ESR1: variants seen among roughly 807,000 people sequenced by gnomAD.
ESR1 encodes estrogen receptor.
In ESR1, 12 loss-of-function variants were observed where a neutral mutation model predicts 52.7. That is an observed-to-expected ratio of 0.23 (90% confidence interval 0.15 to 0.37). The LOEUF is 0.37. Ranked by LOEUF, ESR1 falls within the 10% of genes least tolerant of loss-of-function variation. The pLI is 1.00. For missense variants in ESR1, 584 were observed against 779.7 expected, an observed-to-expected ratio of 0.75 and a Z score of 2.99; for synonymous variants, 305 against 316.8, an observed-to-expected ratio of 0.96 and a Z score of 0.39.
chr6:151,830,794 T>C (rs111762276), intron 1 of ESR1, among the ~76,000 whole-genome samples: 33,315 of 151,996 alleles, frequency 0.22, 4,262 homozygotes, highest in African/African-American at 0.36. Flanking sequence ...AAGACATTTT[T>C]CTTAAGTGAG....
At position 151,902,924 on chromosome 6, in the gene ESR1, A is replaced by C. The variant is rs146531381; in HGVS notation, c.760+22153A>C. On this transcript the variant is annotated intron_variant, in intron 3 of 7. Coordinates refer to ENST00000206249, the MANE Select transcript of ESR1 (RefSeq NM_000125.4). ...TAATTACTTTGGTTCCCTTTGGATA[A>C]TTAGTGATACATAAAATGCAGTACC... Among the ~76,000 whole-genome samples the C allele has an allele frequency of 2.2e-3, 342 of 152,286 alleles. 2 individuals carry two copies. Among genetic ancestry groups the C allele is most frequent in the African/African-American group, 7.8e-3 (326 of 41,544 alleles).
chr6:152,093,330 A>ATCTC (rs34340611), intron 6 of ESR1, among the ~76,000 whole-genome samples: 153 of 125,908 alleles, frequency 1.2e-3, no homozygotes, highest in Admixed American at 2.6e-3. Context: ...TACTACCTGG[A>ATCTC]TCTCTCTCTC....
intron 2 of ESR1, among the ~76,000 whole-genome samples, chr6:151,880,181 GTTT>G (rs71017515): frequency 8.6e-6 from 1 of 116,354 alleles, no homozygotes; most frequent in African/African-American, 3.3e-5. Flanking sequence ...TTTTTGTTCT[GTTT>G]TTTTTTTTTT....
intron 2 of ESR1, among the ~76,000 whole-genome samples, chr6:151,741,325 A>G (rs1456266254): frequency 1.3e-5 from 2 of 152,032 alleles, no homozygotes; most frequent in Non-Finnish European, 2.9e-5. Context: ...GTCCTCCTCT[A>G]TGCCTAAGCT....
chr6:151,666,272 GA>G (rs1319424088), intron 1 of ESR1, among the ~76,000 whole-genome samples: 2 of 152,134 alleles, frequency 1.3e-5, no homozygotes, highest in Admixed American at 6.5e-5. Flanking sequence ...TAGAGGTGAG[GA>G]AAAAAAGTTG....
At chr6:151,945,769 G>A (rs1418170060) in intron 4 of ESR1, among the ~76,000 whole-genome samples, 1 of 152,210 alleles carries the variant, frequency 6.6e-6, no homozygotes, top group East Asian at 1.9e-4. Flanking sequence ...AAGGGTCACT[G>A]CTCTGTTATA....
intron 3 of ESR1, among the ~76,000 whole-genome samples, chr6:151,914,195 C>T (rs1798693631): frequency 6.6e-6 from 1 of 151,802 alleles, no homozygotes; most frequent in Non-Finnish European, 1.5e-5. Context: ...CTCTGCAATT[C>T]AGGGCTCACA....
chr6:152,007,450 C>G (rs1272538489), intron 4 of ESR1, among the ~76,000 whole-genome samples: 1 of 151,902 alleles, frequency 6.6e-6, no homozygotes, highest in East Asian at 1.9e-4. Flanking sequence ...AGAGACTCCC[C>G]TCAATTTTAT....
chr6:152,093,254 G>A (rs537196875), intron 6 of ESR1, among the ~76,000 whole-genome samples: 5 of 151,384 alleles, frequency 3.3e-5, no homozygotes, highest in South Asian at 2.1e-4. Flanking sequence ...CAGCCTGGGC[G>A]GCAGAGTGAG....
chr6:152,084,256 A>T lies in ESR1; in HGVS notation c.1370-10129A>T, dbSNP rs188485129. ...ATGGACACAGCACAAGGAACATCAC[A>T]CACCGGGGCCTGTCAGGGGTTGGGG... On this transcript the variant is annotated intron_variant, in intron 6 of 7. Transcript: ENST00000206249. Among the ~76,000 whole-genome samples, 12 of 146,470 alleles carry T rather than the reference A, an allele frequency of 8.2e-5. No homozygotes were observed. In the Admixed American group the frequency reaches 8.2e-4, roughly 10 times the overall value.
At chr6:151,845,139 T>A (rs1409167023) in intron 2 of ESR1, among the ~76,000 whole-genome samples, 1 of 152,166 alleles carries the variant, frequency 6.6e-6, no homozygotes, top group Non-Finnish European at 1.5e-5. Flanking sequence ...GTATTGTCTC[T>A]AAGCATTAAG....
chr6:151,967,426 C>T (rs2038399805), intron 4 of ESR1, among the ~76,000 whole-genome samples: 1 of 152,124 alleles, frequency 6.6e-6, no homozygotes, highest in Non-Finnish European at 1.5e-5. Context: ...TGAGTGAGAA[C>T]ATGTGGTGTT....
chr6:151,781,630 T>C (rs1161930464), intron 2 of ESR1, among the ~76,000 whole-genome samples: 1 of 152,220 alleles, frequency 6.6e-6, no homozygotes, highest in Non-Finnish European at 1.5e-5. Context: ...TCCATTCCTT[T>C]CTCCTGTTTT....
intron 2 of ESR1, among the ~76,000 whole-genome samples, chr6:151,874,594 G>A (rs930427873): frequency 3.3e-5 from 5 of 152,160 alleles, no homozygotes; most frequent in African/African-American, 9.7e-5. Flanking sequence ...AATATTTGTA[G>A]TATCTTAATA....
At chr6:152,129,157 C>T (rs146433800) in exon 7 of ESR1, 4 of 152,318 alleles carry the variant, frequency 2.6e-5, no homozygotes, top group South Asian at 2.1e-4. Flanking sequence ...CCCTAAGAAA[C>T]GATGCCTTCG....
intron 1 of ESR1, among the ~76,000 whole-genome samples, chr6:151,692,924 G>T (rs1269006486): frequency 4.6e-5 from 7 of 152,172 alleles, no homozygotes; most frequent in Non-Finnish European, 1.0e-4. Flanking sequence ...CCTCTGCTCA[G>T]GTTTTCCACA....
At chr6:151,808,485 T>G (rs1583389894) in intron 1 of ESR1, 121 bp downstream of exon 1, 10 of 871,344 alleles carry the variant, frequency 1.1e-5, no homozygotes, top group Admixed American at 8.3e-5. Flanking sequence ...GACCCGAGGG[T>G]GCGCGCAGGG....
At chr6:151,987,578 A>G (rs2040614267) in intron 4 of ESR1, among the ~76,000 whole-genome samples, 2 of 151,950 alleles carry the variant, frequency 1.3e-5, no homozygotes, top group African/African-American at 4.8e-5. Flanking sequence ...TCCCCCCTGC[A>G]GGGAAGGAGT....
At chr6:152,089,839 A>C (rs2050038635) in intron 6 of ESR1, among the ~76,000 whole-genome samples, 1 of 152,228 alleles carries the variant, frequency 6.6e-6, no homozygotes, top group African/African-American at 2.4e-5. Context: ...TTGGCCTCCC[A>C]AAGTGGTGGG....
Sources: allele counts gnomAD v4.1 joint callset (sites outside exome capture counted in the v4.1 genomes callset), GRCh38; gene constraint gnomAD v4.1.1; transcripts MANE v1.5; gene names NCBI Gene and HGNC (gene_info 2026-07-23, HGNC 2026-07-21).